The following MAP2K1 variants were observed in gnomAD, a reference collection of about 807,000 sequenced individuals.
MAP2K1 encodes the protein mitogen-activated protein kinase kinase 1, also known as dual specificity mitogen-activated protein kinase kinase 1.
In MAP2K1, 16 loss-of-function variants were observed where a neutral mutation model predicts 46.3. The ratio of observed to expected loss-of-function variants is 0.35; its 90% CI spans 0.23 to 0.52. MAP2K1 has a LOEUF of 0.52. Among genes scored for constraint, MAP2K1 ranks in the 20% least tolerant of loss-of-function variants. MAP2K1 has a pLI of 0.94. For synonymous variants in MAP2K1, 183 were observed against 185.6 expected (o/e 0.99, Z 0.11); for missense variants, 263 against 497.1 (o/e 0.53, Z 4.48).
rs1893240572 is a variant in MAP2K1 at position 66,491,069 on chromosome 15, A to G, written c.*454A>G. The G allele has an allele frequency of 2.8e-6, 1 of 359,616 alleles. No homozygotes were observed. The highest frequency in any genetic ancestry group is 5.2e-6 in the Non-Finnish European group (1 of 193,362). The allele number at this position is 359,616 out of a possible 1,614,324, so 22.3% of individuals were successfully genotyped here. ...GATCCTTCACAGGCAGTGCATGTGA[A>G]GCATGCTTTGCTGCTATGAAAATGA... On this transcript the variant is annotated 3_prime_UTR_variant, in exon 11 of 11. Transcript: ENST00000307102.
intron 5 of MAP2K1, among the ~76,000 whole-genome samples, chr15:66,457,561 A>C (rs1043632763): frequency 1.3e-5 from 2 of 152,258 alleles, no homozygotes; most frequent in Admixed American, 6.5e-5. Context: ...GTGGCCCTCA[A>C]AGCCAAAAAT....
intron 1 of MAP2K1, among the ~76,000 whole-genome samples, chr15:66,396,900 G>A (rs2093368943): frequency 6.6e-6 from 1 of 150,930 alleles, no homozygotes; most frequent in Non-Finnish European, 1.5e-5. Flanking sequence ...GGCCAGGCTG[G>A]TCTTGAACTC....
chr15:66,482,800 G>GT (rs1219933414), intron 6 of MAP2K1, among the ~76,000 whole-genome samples: 2 of 152,182 alleles, frequency 1.3e-5, no homozygotes, highest in African/African-American at 2.4e-5. Context: ...AGGTGGAAAC[G>GT]TGAGTCTGGG....
At position 66,473,868 on chromosome 15, in the gene MAP2K1, G is replaced by A. The variant is rs561503547; in HGVS notation, c.569-7887G>A. On this transcript the variant is annotated intron_variant, in intron 5 of 10. Coordinates refer to ENST00000307102, the MANE Select transcript of MAP2K1 (RefSeq NM_002755.4). ...AATTTTTTTTGGTATTTTTAGTAGAGACAGAGTTTTGCCACATTGCCCAGG... is the reference window on the plus strand; with the variant it reads ...AATTTTTTTTGGTATTTTTAGTAGAAACAGAGTTTTGCCACATTGCCCAGG... 1.2e-4 allele frequency among the ~76,000 whole-genome samples: 19 copies of A among 152,204 alleles called. No individual in the cohort carries two copies. In the South Asian group the frequency reaches 3.9e-3, roughly 32 times the overall value.
intron 1 of MAP2K1, among the ~76,000 whole-genome samples, chr15:66,395,244 AT>A (rs1217144829): frequency 6.6e-6 from 1 of 152,208 alleles, no homozygotes; most frequent in Admixed American, 6.5e-5. Context: ...ATAGTAAGAG[AT>A]TAACAATAAT....
At chr15:66,420,922 CATAT>C (rs201021234) in intron 1 of MAP2K1, among the ~76,000 whole-genome samples, 6 of 128,246 alleles carry the variant, frequency 4.7e-5, no homozygotes, top group East Asian at 4.7e-4. Context: ...CACATACATA[CATAT>C]ATATACACAC....
At chr15:66,440,472 T>C (rs976472133) in intron 3 of MAP2K1, among the ~76,000 whole-genome samples, 1 of 152,230 alleles carries the variant, frequency 6.6e-6, no homozygotes, top group Non-Finnish European at 1.5e-5. Context: ...CAGGGGCTGA[T>C]CTTTCCTAGA....
intron 1 of MAP2K1, among the ~76,000 whole-genome samples, chr15:66,409,595 C>T (rs1313066121): frequency 6.6e-6 from 1 of 152,192 alleles, no homozygotes; most frequent in Non-Finnish European, 1.5e-5. Context: ...CTCTGCAAAT[C>T]ACATTTGGGA....
chr15:66,393,997 C>A (rs2093362269), intron 1 of MAP2K1, among the ~76,000 whole-genome samples: 1 of 152,186 alleles, frequency 6.6e-6, no homozygotes, highest in South Asian at 2.1e-4. Flanking sequence ...AAGTATTTAT[C>A]TTCTTCTGCC....
At chr15:66,469,032 T>G (rs1021210530) in intron 5 of MAP2K1, among the ~76,000 whole-genome samples, 9 of 142,370 alleles carry the variant, frequency 6.3e-5, no homozygotes, top group East Asian at 2.1e-4. Flanking sequence ...CCGAGGCGGG[T>G]GGATCATGAG....
At chr15:66,462,429 G>A (rs1293923203) in intron 5 of MAP2K1, among the ~76,000 whole-genome samples, 5 of 150,356 alleles carry the variant, frequency 3.3e-5, no homozygotes, top group South Asian at 4.2e-4. Flanking sequence ...CCCGGGAGGC[G>A]GAGGTTGCAG....
At chr15:66,437,515 G>A (rs550144316) in intron 3 of MAP2K1, among the ~76,000 whole-genome samples, 2 of 152,342 alleles carry the variant, frequency 1.3e-5, no homozygotes, top group Admixed American at 1.3e-4. Flanking sequence ...TCCCTGGGCT[G>A]ATGGCTTAGA....
At chr15:66,489,790 C>A (rs778361656) in intron 10 of MAP2K1, 27 bp downstream of exon 10, 1 of 1,584,246 alleles carries the variant, frequency 6.3e-7, no homozygotes, top group South Asian at 1.1e-5. Context: ...CGGATTCTTA[C>A]AGTACCTGTT....
chr15:66,410,192 G>A (rs77154939), intron 1 of MAP2K1, among the ~76,000 whole-genome samples: 2,954 of 152,276 alleles, frequency 0.019, 39 homozygotes, highest in Non-Finnish European at 0.03. Flanking sequence ...TTACAACTAG[G>A]GGAGAGTCTA....
At chr15:66,398,615 G>A (rs2093373795) in intron 1 of MAP2K1, among the ~76,000 whole-genome samples, 1 of 151,500 alleles carries the variant, frequency 6.6e-6, no homozygotes, top group African/African-American at 2.4e-5. Flanking sequence ...TTGTACCACT[G>A]CACACCAGCC....
chr15:66,489,323 A>G (rs771466144), intron 9 of MAP2K1, 47 bp downstream of exon 9: 1 of 1,544,868 alleles, frequency 6.5e-7, no homozygotes, highest in Non-Finnish European at 9.0e-7. Context: ...TGGATTTGTC[A>G]GGCTCCCCAC....
At chr15:66,489,645 G>A (rs1893172837) in intron 9 of MAP2K1, 73 bp from the exon 10 acceptor site, 2 of 1,126,954 alleles carry the variant, frequency 1.8e-6, no homozygotes, top group African/African-American at 3.1e-5. Flanking sequence ...AGAGAAGACA[G>A]GCATGCAAAC....
intron 5 of MAP2K1, among the ~76,000 whole-genome samples, chr15:66,468,633 T>TA (rs535117979): frequency 3.3e-4 from 50 of 152,240 alleles, no homozygotes; most frequent in Non-Finnish European, 5.9e-4. Context: ...ATGATGCTTT[T>TA]AAAAAAAATT....
chr15:66,410,423 AAGAG>A (rs71447902), intron 1 of MAP2K1, among the ~76,000 whole-genome samples: 8,547 of 152,212 alleles, frequency 0.056, 337 homozygotes, highest in Middle Eastern at 0.11. Context: ...AAGGGGAAAA[AAGAG>A]AGAAGGTTGA....
Sources: gnomAD v4.1 joint callset for allele counts (sites outside exome capture counted in the v4.1 genomes callset) on GRCh38, gnomAD v4.1.1 for gene constraint, MANE v1.5 for transcripts, NCBI Gene and HGNC (gene_info 2026-07-23, HGNC 2026-07-21) for gene names.